ZBTB44: variants seen among roughly 807,000 people sequenced by gnomAD.
The protein encoded by ZBTB44 is zinc finger and BTB domain containing 44.
A neutral mutation model predicts 54.0 loss-of-function variants in ZBTB44; 15 were observed. The ratio of observed to expected loss-of-function variants is 0.28; its 90% CI spans 0.19 to 0.43. ZBTB44 has a LOEUF of 0.43. Ranked by LOEUF, ZBTB44 falls within the 20% of genes least tolerant of loss-of-function variation. The pLI, the probability that ZBTB44 is intolerant of heterozygous loss-of-function variation, is 1.00. For missense variants in ZBTB44, 487 were observed against 707.1 expected, an observed-to-expected ratio of 0.69 and a Z score of 3.53; for synonymous variants, 230 against 250.1, an observed-to-expected ratio of 0.92 and a Z score of 0.76.
rs887239672 is a variant in ZBTB44 at position 130,289,653 on chromosome 11, T to A, written c.-57+24722A>T. ...AACAAGCCAACTAAATTTGCATATC[T>A]GTATTGAAGGCCTAGAATTGTGGGG... On this transcript the variant is annotated intron_variant, in intron 1 of 7. Transcript: ENST00000357899. 3.0e-4 allele frequency among the ~76,000 whole-genome samples: 45 copies of A among 151,986 alleles called. 1 individual carries two copies. The highest frequency in any genetic ancestry group is 3.3e-4 in the Admixed American group (5 of 15,260).
At chr11:130,276,178 A>G (rs1940058304) in intron 1 of ZBTB44, among the ~76,000 whole-genome samples, 1 of 138,398 alleles carries the variant, frequency 7.2e-6, no homozygotes, top group African/African-American at 2.6e-5. Flanking sequence ...GTGAGCTGAG[A>G]TCACACCTTG....
chr11:130,268,678 A>C (rs1939438553), intron 1 of ZBTB44, among the ~76,000 whole-genome samples: 1 of 151,978 alleles, frequency 6.6e-6, no homozygotes, highest in Non-Finnish European at 1.5e-5. Context: ...TCCCGGGTTC[A>C]AGCAATTCTC....
intron 1 of ZBTB44, among the ~76,000 whole-genome samples, chr11:130,311,087 T>C (rs966811088): frequency 1.3e-5 from 2 of 152,246 alleles, no homozygotes; most frequent in Non-Finnish European, 2.9e-5. Flanking sequence ...TCATGCAATA[T>C]AGTCTAAATA....
intron 1 of ZBTB44, among the ~76,000 whole-genome samples, chr11:130,273,307 ATTTTTTTTTTT>A (rs34506406): frequency 1.6e-5 from 2 of 126,314 alleles, no homozygotes; most frequent in Non-Finnish European, 3.2e-5. Flanking sequence ...TATTTTCTTA[ATTTTTTTTTTT>A]TTTTTTTTGA....
At chr11:130,296,844 G>A in intron 1 of ZBTB44, 2 of 741,622 alleles carry the variant, frequency 2.7e-6, no homozygotes, top group Non-Finnish European at 5.0e-6. Flanking sequence ...GATCTTTAAT[G>A]TAAATAACTT....
At chr11:130,299,444 T>C (rs1433847662) in intron 1 of ZBTB44, among the ~76,000 whole-genome samples, 2 of 151,980 alleles carry the variant, frequency 1.3e-5, no homozygotes, top group African/African-American at 4.8e-5. Context: ...TCCCAGCTAC[T>C]TGGGAGGCTG....
intron 5 of ZBTB44, among the ~76,000 whole-genome samples, chr11:130,235,048 T>C (rs1246673540): frequency 6.6e-6 from 1 of 152,226 alleles, no homozygotes; most frequent in Admixed American, 6.5e-5. Context: ...TGAAACTAAG[T>C]ATGTGAAATA....
At chr11:130,303,083 A>G (rs1248707375) in intron 1 of ZBTB44, among the ~76,000 whole-genome samples, 2 of 152,228 alleles carry the variant, frequency 1.3e-5, no homozygotes, top group African/African-American at 4.8e-5. Flanking sequence ...TATTTAATAA[A>G]ATACACTATT....
At chr11:130,273,339 C>CA (rs1485836743) in intron 1 of ZBTB44, among the ~76,000 whole-genome samples, 1 of 129,778 alleles carries the variant, frequency 7.7e-6, no homozygotes, top group African/African-American at 2.8e-5. Flanking sequence ...GACAGAGTCT[C>CA]ACTCTGCTGC....
rs1954135071 is a variant in ZBTB44 at position 130,236,984 on chromosome 11, T to C, written c.1377A>G (p.Ile459Met). The change falls in exon 5 of 8, where the codon ATA becomes ATG. Residue 459 changes from isoleucine to methionine, a missense_variant. Physicochemically the swap from Ile to Met is conservative, Grantham distance 10. Around this residue, in one of 3 missense-constraint regions of ZBTB44, gnomAD observed 120 missense variants for 240.3 expected, o/e 0.50. Transcript: ENST00000357899. Reference sequence around the variant, plus strand: ...CGAAGGAAGTGAAAGTGGCACTACATATCTGGCACCGGAAACAGCGTTTAC... The same window carrying C: ...CGAAGGAAGTGAAAGTGGCACTACACATCTGGCACCGGAAACAGCGTTTAC... The part of the protein sequence containing the change: ...HEGKRCFRCQ[I>M]CSATFTSFGE... The C allele has an allele frequency of 1.2e-6, 2 of 1,612,944 alleles. No homozygotes were observed. Among genetic ancestry groups the C allele is most frequent in the East Asian group, 2.2e-5 (1 of 44,736 alleles).
intron 2 of ZBTB44, among the ~76,000 whole-genome samples, chr11:130,249,600 C>A (rs1025673432): frequency 5.3e-5 from 8 of 152,190 alleles, no homozygotes; most frequent in African/African-American, 1.7e-4. Flanking sequence ...GTACCCTGTT[C>A]ATCTCACTGG....
intron 1 of ZBTB44, among the ~76,000 whole-genome samples, chr11:130,284,025 T>C (rs1046946057): frequency 7.3e-6 from 1 of 137,850 alleles, no homozygotes; most frequent in Non-Finnish European, 1.5e-5. Flanking sequence ...CGGTGGCTCA[T>C]GCCTGTAATC....
intron 5 of ZBTB44, 84 bp from the exon 6 acceptor site, chr11:130,234,357 C>T: frequency 7.4e-7 from 1 of 1,353,266 alleles, no homozygotes; most frequent in Non-Finnish European, 9.8e-7. Context: ...CTGATTTATA[C>T]AACAAAATTG....
intron 2 of ZBTB44, among the ~76,000 whole-genome samples, chr11:130,244,368 T>G (rs1954536166): frequency 6.6e-6 from 1 of 152,076 alleles, no homozygotes; most frequent in Non-Finnish European, 1.5e-5. Flanking sequence ...TATAATATTT[T>G]AATGAAAATG....
In ZBTB44 at chr11:130,302,906, T is replaced by C. The variant is rs184124283; in HGVS notation, c.-57+11469A>G. Among the ~76,000 whole-genome samples the C allele has an allele frequency of 4.6e-5, 7 of 152,166 alleles. No homozygotes were observed. The East Asian group carries it at 1.2e-3, about 25-fold the overall frequency. On this transcript the variant is annotated intron_variant, in intron 1 of 7. Coordinates refer to ENST00000357899, the MANE Select transcript of ZBTB44 (RefSeq NM_001301098.2). The stretch of plus-strand genomic sequence containing the variant: ...GGGAGAATCTCTTGAACCTGGAAAG[T>C]GCAGGTTGCAGGGAGCCAAGATCAC...
chr11:130,268,221 T>TAAAAAAA (rs1157408386), intron 1 of ZBTB44, among the ~76,000 whole-genome samples: 4,655 of 140,714 alleles, frequency 0.033, 188 homozygotes, highest in African/African-American at 0.098. Context: ...CACGTCTAAT[T>TAAAAAAA]TAAAAAAAAA....
chr11:130,275,754 A>G (rs1940014235), intron 1 of ZBTB44, among the ~76,000 whole-genome samples: 1 of 152,050 alleles, frequency 6.6e-6, no homozygotes, highest in Non-Finnish European at 1.5e-5. Flanking sequence ...CAGCCTCCCA[A>G]GTAGCTGGGA....
intron 2 of ZBTB44, among the ~76,000 whole-genome samples, chr11:130,252,571 A>T (rs1206129967): frequency 6.6e-6 from 1 of 152,226 alleles, no homozygotes; most frequent in Non-Finnish European, 1.5e-5. Flanking sequence ...ATCGTAACAA[A>T]CAGCCTCTCA....
Position 130,265,206 on chromosome 11 carries a change from A to G in ZBTB44, c.-56-3277T>C, listed in dbSNP as rs548376335. On this transcript the variant is annotated intron_variant, in intron 1 of 7. Transcript: ENST00000357899. ...CGATGGCCTCTAAATGACCAAGTGA[A>G]AGGAAGAGCTGCACGTTTCTCACTT... Among the ~76,000 whole-genome samples the G allele has an allele frequency of 1.9e-4, 29 of 152,264 alleles. No homozygotes were observed. In the East Asian group the frequency reaches 5.4e-3, roughly 28 times the overall value.
Sources: gnomAD v4.1 joint callset for allele counts (sites outside exome capture counted in the v4.1 genomes callset) on GRCh38, gnomAD v4.1.1 for gene constraint, gnomAD v4.1.1 regional missense constraint, MANE v1.5 for transcripts, NCBI Gene and HGNC (gene_info 2026-07-23, HGNC 2026-07-21) for gene names.